Variants in RCOR1 observed in about 807,000 individuals in gnomAD.
The protein encoded by RCOR1 is REST corepressor 1, also known as REST corepressor.
In RCOR1, 12 loss-of-function variants were observed where a neutral mutation model predicts 64.0. The observed-to-expected ratio is 0.19, with a 90% confidence interval of 0.12 to 0.30. The LOEUF is 0.30. RCOR1 is among the 10% of genes least tolerant of loss of function. The pLI, the probability that RCOR1 is intolerant of heterozygous loss-of-function variation, is 1.00. For synonymous variants in RCOR1, 279 were observed against 227.2 expected, an observed-to-expected ratio of 1.23 and a Z score of -2.05; for missense variants, 502 against 621.2, an observed-to-expected ratio of 0.81 and a Z score of 2.04.
chr14:102,723,463 T>C (rs1377010374), intron 11 of RCOR1, among the ~76,000 whole-genome samples: 6 of 152,156 alleles, frequency 3.9e-5, no homozygotes, highest in African/African-American at 9.7e-5. Context: ...CATTGAAACA[T>C]ATTAAATTTG....
At chr14:102,595,515 C>A (rs766547095) in intron 2 of RCOR1, among the ~76,000 whole-genome samples, 10 of 151,982 alleles carry the variant, frequency 6.6e-5, no homozygotes, top group Non-Finnish European at 1.5e-4. Context: ...AGGAAAACAT[C>A]TAACTGTTTT....
intron 2 of RCOR1, among the ~76,000 whole-genome samples, chr14:102,602,927 A>G (rs1893432989): frequency 6.6e-6 from 1 of 152,242 alleles, no homozygotes; most frequent in African/African-American, 2.4e-5. Context: ...ACTGGTCTCC[A>G]ACTCCTGGGC....
chr14:102,662,460 C>T (rs1042017574), intron 2 of RCOR1: 1 of 541,840 alleles, frequency 1.8e-6, no homozygotes, highest in Non-Finnish European at 3.6e-6. Context: ...ATGGCAGACT[C>T]AGTGGTCAGC....
At chr14:102,668,527 T>C (rs750633641) in intron 2 of RCOR1, among the ~76,000 whole-genome samples, 2 of 152,188 alleles carry the variant, frequency 1.3e-5, no homozygotes, top group Non-Finnish European at 2.9e-5. Flanking sequence ...TGTGGCATGA[T>C]AGTTTCTACC....
At chr14:102,703,495 G>A (rs955147216) in intron 4 of RCOR1, among the ~76,000 whole-genome samples, 2 of 152,174 alleles carry the variant, frequency 1.3e-5, no homozygotes, top group African/African-American at 4.8e-5. Flanking sequence ...TCCTGAATAA[G>A]CTTATTAGGG....
intron 7 of RCOR1, among the ~76,000 whole-genome samples, chr14:102,713,498 G>A (rs1771541049): frequency 6.6e-6 from 1 of 151,804 alleles, no homozygotes; most frequent in Admixed American, 6.6e-5. Flanking sequence ...TAGCCAGGGT[G>A]GTCTCAATCT....
In RCOR1 at chr14:102,707,293, A is replaced by G. The variant is rs1398153938; in HGVS notation, c.499-58A>G. The G allele has an allele frequency of 4.9e-6, 7 of 1,434,570 alleles. No homozygotes were observed. In the East Asian group the frequency reaches 1.4e-4, roughly 29 times the overall value. The allele number at this position is 1,434,570 out of a possible 1,614,324, so 88.9% of individuals were successfully genotyped here. A position where few individuals can be genotyped will look rare whatever the true frequency, so the allele number is the denominator to read the frequency against. On this transcript the variant is annotated intron_variant, in intron 4 of 11. Coordinates refer to ENST00000262241, the MANE Select transcript of RCOR1 (RefSeq NM_015156.4). ...TTTTTACTTTTCTTTTGCTGGTCTC[A>G]TTTCCATTTTCATTGTTTTTTGTTT...
At chr14:102,715,318 G>A (rs551057242) in intron 8 of RCOR1, among the ~76,000 whole-genome samples, 5 of 151,764 alleles carry the variant, frequency 3.3e-5, no homozygotes, top group East Asian at 1.9e-4. Context: ...TGATCCACCC[G>A]CCTCGGCCTC....
chr14:102,634,243 C>G (rs141236537), intron 2 of RCOR1, among the ~76,000 whole-genome samples: 1 of 152,036 alleles, frequency 6.6e-6, no homozygotes. Context: ...CTTCATGGCT[C>G]ACACCTGTAA....
chr14:102,648,408 G>A lies in RCOR1; in HGVS notation c.362-33487G>A, dbSNP rs150849997. 5.4e-3 allele frequency among the ~76,000 whole-genome samples: 824 copies of A among 152,214 alleles called. 4 individuals are homozygous for A. Among genetic ancestry groups the A allele is most frequent in the Non-Finnish European group, 7.3e-3 (496 of 68,016 alleles). On this transcript the variant is annotated intron_variant, in intron 2 of 11. Coordinates refer to ENST00000262241, the MANE Select transcript of RCOR1 (RefSeq NM_015156.4). ...ATAATCCTTTAAATGCTTGTTTATG[G>A]TATCTTAGAATATTTCAAATTTATC... is the stretch of plus-strand genomic sequence containing the variant.
Position 102,726,537 on chromosome 14 carries a change from A to T in RCOR1, c.*31A>T. On this transcript the variant is annotated 3_prime_UTR_variant, in exon 12 of 12. Transcript: ENST00000262241. ...TGGTGGCTTTGAACACTTGGTGTGG[A>T]CTACTGTGTTATCCGGGATATCAGG... The T allele has an allele frequency of 1.3e-6, 2 of 1,574,042 alleles. No homozygotes were observed. Among genetic ancestry groups the T allele is most frequent in the Non-Finnish European group, 1.7e-6 (2 of 1,153,828 alleles).
chr14:102,705,140 AG>A (rs1468961450), intron 4 of RCOR1, among the ~76,000 whole-genome samples: 8 of 152,094 alleles, frequency 5.3e-5, no homozygotes, highest in Admixed American at 2.0e-4. Context: ...ACAAAAAAAA[AG>A]AGGGGGGAAA....
chr14:102,716,580 AT>A (rs1896074026), intron 8 of RCOR1, among the ~76,000 whole-genome samples: 1 of 147,004 alleles, frequency 6.8e-6, no homozygotes, highest in South Asian at 2.1e-4. Flanking sequence ...ATGAGTATCA[AT>A]TTGGTCAAGT....
chr14:102,599,697 C>T (rs991491793), intron 2 of RCOR1, among the ~76,000 whole-genome samples: 21 of 151,468 alleles, frequency 1.4e-4, no homozygotes, highest in Admixed American at 6.6e-5. Context: ...AACAGGGTGT[C>T]TTGATATGCC....
intron 3 of RCOR1, among the ~76,000 whole-genome samples, chr14:102,689,667 A>T (rs944351428): frequency 5.9e-5 from 9 of 152,150 alleles, no homozygotes; most frequent in African/African-American, 2.2e-4. Flanking sequence ...AATGAGGAAA[A>T]ACTGGTCCAG....
At chr14:102,600,160 C>G (rs547073942) in intron 2 of RCOR1, among the ~76,000 whole-genome samples, 20 of 152,262 alleles carry the variant, frequency 1.3e-4, no homozygotes, top group Admixed American at 1.2e-3. Context: ...GATCTCAGCT[C>G]ACTACAAGCT....
intron 11 of RCOR1, among the ~76,000 whole-genome samples, chr14:102,724,271 CCTTTACAAA>C (rs1896220600): frequency 6.6e-6 from 1 of 152,060 alleles, no homozygotes; most frequent in South Asian, 2.1e-4. Flanking sequence ...TCCTTATATC[CCTTTACAAA>C]CTTTTTCACT....
At chr14:102,647,135 A>G (rs1457299455) in intron 2 of RCOR1, among the ~76,000 whole-genome samples, 1 of 152,202 alleles carries the variant, frequency 6.6e-6, no homozygotes, top group Non-Finnish European at 1.5e-5. Context: ...GCAGGGAATA[A>G]AAGAAAAAAT....
At chr14:102,644,924 C>G (rs1346341458) in intron 2 of RCOR1, among the ~76,000 whole-genome samples, 3 of 152,176 alleles carry the variant, frequency 2.0e-5, no homozygotes, top group Admixed American at 6.6e-5. Flanking sequence ...ACCCTTTTCC[C>G]TAAGAAATGG....
Sources: allele counts gnomAD v4.1 joint callset (sites outside exome capture counted in the v4.1 genomes callset), GRCh38; gene constraint gnomAD v4.1.1; transcripts MANE v1.5; gene names NCBI Gene and HGNC (gene_info 2026-07-23, HGNC 2026-07-21).